Variants in CSMD1 observed in about 807,000 individuals in gnomAD.
CSMD1 encodes the protein CUB and sushi domain-containing protein 1.
In CSMD1, 213 loss-of-function variants were observed where a neutral mutation model predicts 417.5. The ratio of observed to expected loss-of-function variants is 0.51; its 90% CI spans 0.46 to 0.57. The LOEUF is 0.57. Among genes scored for constraint, CSMD1 ranks in the 20% least tolerant of loss-of-function variants. The pLI is 0.00. For missense variants in CSMD1, 6,923 were observed against 4,529.7 expected, an observed-to-expected ratio of 1.53 and a Z score of -15.17; for synonymous variants, 2,862 against 1,736.8, an observed-to-expected ratio of 1.65 and a Z score of -16.11.
At chr8:3,406,976 T>C (rs1812380897) in intron 14 of CSMD1, among the ~76,000 whole-genome samples, 1 of 152,126 alleles carries the variant, frequency 6.6e-6, no homozygotes. Flanking sequence ...GCAAGAAAGA[T>C]GCATAAGTGG....
At chr8:4,392,957 G>C (rs929319536) in intron 3 of CSMD1, among the ~76,000 whole-genome samples, 1 of 151,812 alleles carries the variant, frequency 6.6e-6, no homozygotes, top group African/African-American at 2.4e-5. Context: ...CAACACGGTG[G>C]GACACTGTGT....
At chr8:3,153,946 G>C (rs1370487629) in intron 39 of CSMD1, among the ~76,000 whole-genome samples, 1 of 152,156 alleles carries the variant, frequency 6.6e-6, no homozygotes, top group East Asian at 1.9e-4. Flanking sequence ...GCTCCCAAAA[G>C]ACGCATATCC....
intron 5 of CSMD1, among the ~76,000 whole-genome samples, chr8:3,983,187 G>C (rs1377654686): frequency 1.4e-5 from 2 of 145,614 alleles, no homozygotes; most frequent in Non-Finnish European, 3.0e-5. Flanking sequence ...CTGGAGTGCA[G>C]TGGCGCGATC....
intron 25 of CSMD1, among the ~76,000 whole-genome samples, chr8:3,286,201 T>C (rs1346749759): frequency 6.6e-6 from 1 of 152,228 alleles, no homozygotes; most frequent in Non-Finnish European, 1.5e-5. Flanking sequence ...GTATATGTGC[T>C]ACAATTTCTT....
chr8:3,393,644 G>A (rs954015951), intron 17 of CSMD1, among the ~76,000 whole-genome samples: 1 of 151,994 alleles, frequency 6.6e-6, no homozygotes, highest in Non-Finnish European at 1.5e-5. Flanking sequence ...ATACACAATG[G>A]AATAGTATGC....
At chr8:4,115,580 A>T (rs1197441765) in intron 3 of CSMD1, among the ~76,000 whole-genome samples, 2 of 152,170 alleles carry the variant, frequency 1.3e-5, no homozygotes, top group Non-Finnish European at 2.9e-5. Context: ...AAGGAACTTA[A>T]CTGATCATAC....
intron 11 of CSMD1, among the ~76,000 whole-genome samples, chr8:3,475,056 G>C (rs377376628): frequency 6.6e-6 from 1 of 152,034 alleles, no homozygotes; most frequent in Non-Finnish European, 1.5e-5. Context: ...CAGAATGATG[G>C]CATTTCTCCG....
intron 23 of CSMD1, among the ~76,000 whole-genome samples, chr8:3,316,121 G>C (rs981487155): frequency 6.6e-6 from 1 of 152,136 alleles, no homozygotes; most frequent in African/African-American, 2.4e-5. Context: ...CTACATGGAT[G>C]AACTGAAATA....
intron 3 of CSMD1, among the ~76,000 whole-genome samples, chr8:4,143,224 TA>T (rs1234067968): frequency 6.6e-6 from 1 of 151,234 alleles, no homozygotes; most frequent in Admixed American, 6.6e-5. Flanking sequence ...CGGTGTGGTC[TA>T]AACCCTCTTA....
intron 1 of CSMD1, among the ~76,000 whole-genome samples, chr8:4,781,205 A>G (rs1797135451): frequency 6.6e-6 from 1 of 152,228 alleles, no homozygotes; most frequent in Admixed American, 6.5e-5. Flanking sequence ...AAAGGAAAGA[A>G]GCCTGAAGGG....
chr8:3,494,593 T>TAGATAGAC (rs1796286841), intron 10 of CSMD1, among the ~76,000 whole-genome samples: 1 of 148,404 alleles, frequency 6.7e-6, no homozygotes, highest in African/African-American at 2.5e-5. Context: ...GATAGATAGA[T>TAGATAGAC]AGATAGATAG....
intron 3 of CSMD1, among the ~76,000 whole-genome samples, chr8:4,368,964 C>G (rs902415853): frequency 2.6e-5 from 4 of 152,014 alleles, no homozygotes; most frequent in Admixed American, 6.6e-5. Flanking sequence ...CAGTTCAGCT[C>G]TGATTTTGGT....
intron 3 of CSMD1, among the ~76,000 whole-genome samples, chr8:4,151,010 A>G (rs1796545707): frequency 6.6e-6 from 1 of 152,188 alleles, no homozygotes; most frequent in South Asian, 2.1e-4. Context: ...ATGATGCAAG[A>G]GAAATTGTGT....
At chr8:4,675,624 C>A (rs1225443545) in intron 1 of CSMD1, among the ~76,000 whole-genome samples, 1 of 151,442 alleles carries the variant, frequency 6.6e-6, no homozygotes, top group African/African-American at 2.4e-5. Context: ...ACAGAATAAA[C>A]ATAAAAAAAG....
intron 2 of CSMD1, among the ~76,000 whole-genome samples, chr8:4,477,230 A>T (rs139773731): frequency 1.3e-5 from 2 of 152,204 alleles, no homozygotes. Flanking sequence ...TCCCAGTGAC[A>T]GAGCTACCTA....
chr8:4,448,311 G>A (rs934938236), intron 2 of CSMD1, among the ~76,000 whole-genome samples: 15 of 152,098 alleles, frequency 9.9e-5, no homozygotes, highest in African/African-American at 3.6e-4. Flanking sequence ...TTTGTTTGCC[G>A]ATCTAGGAGG....
intron 3 of CSMD1, among the ~76,000 whole-genome samples, chr8:4,400,687 T>C (rs941341617): frequency 5.9e-5 from 9 of 152,050 alleles, no homozygotes; most frequent in African/African-American, 2.2e-4. Context: ...CAGGCTAATT[T>C]GCCTTTTTTT....
intron 1 of CSMD1, among the ~76,000 whole-genome samples, chr8:4,884,288 T>C (rs560236228): frequency 6.6e-6 from 1 of 152,158 alleles, no homozygotes; most frequent in South Asian, 2.1e-4. Context: ...TCTTACCAGA[T>C]AGATGATTCG....
chr8:4,578,716 A>G (rs1235054583), intron 2 of CSMD1, among the ~76,000 whole-genome samples: 1 of 148,012 alleles, frequency 6.8e-6, no homozygotes, highest in Non-Finnish European at 1.5e-5. Flanking sequence ...CAAGAGGCTG[A>G]GGCAAGATAA....
Sources: gnomAD v4.1 joint callset for allele counts (sites outside exome capture counted in the v4.1 genomes callset) on GRCh38, gnomAD v4.1.1 for gene constraint, MANE v1.5 for transcripts, NCBI Gene and HGNC (gene_info 2026-07-23, HGNC 2026-07-21) for gene names.